The following GARIN1B variants were observed in gnomAD, a reference collection of about 807,000 sequenced individuals.
GARIN1B encodes the protein golgi associated RAB2 interactor 1B, also known as Golgi-associated RAB2 interactor protein 1B.
At chr7:128,731,199 GA>G in the GARIN1B span, 1 of 1,274,666 alleles carries the variant, frequency 7.8e-7, no homozygotes, top group Non-Finnish European at 1.1e-6. Context: ...TATCGGGATG[GA>G]GAGTAGGAGA....
chr7:128,712,059 CAAAA>C, the GARIN1B span, among the ~76,000 whole-genome samples: 1 of 151,698 alleles, frequency 6.6e-6, no homozygotes, highest in Admixed American at 6.6e-5. Context: ...AAAACAAAAA[CAAAA>C]AAAACCTTGC....
the GARIN1B span, chr7:128,724,873 A>C: frequency 7.8e-7 from 1 of 1,286,780 alleles, no homozygotes; most frequent in Non-Finnish European, 1.0e-6. Context: ...AAGCGCTTAT[A>C]GCAACGAAGA....
the GARIN1B span, among the ~76,000 whole-genome samples, chr7:128,717,452 T>A: frequency 6.6e-6 from 1 of 150,996 alleles, no homozygotes; most frequent in South Asian, 2.1e-4. Context: ...TTCTTTTTTT[T>A]TTTTTTTGAG....
the GARIN1B span, among the ~76,000 whole-genome samples, chr7:128,720,368 T>G: frequency 1.3e-5 from 2 of 151,960 alleles, no homozygotes; most frequent in Non-Finnish European, 2.9e-5. Context: ...TCAACTAATT[T>G]TTGTATTTTT....
At chr7:128,715,408 C>T in the GARIN1B span, 3 of 1,604,936 alleles carry the variant, frequency 1.9e-6, no homozygotes, top group South Asian at 3.3e-5. Context: ...GATCCCAGGA[C>T]AAATGTGCAG....
chr7:128,720,083 T>C, the GARIN1B span, among the ~76,000 whole-genome samples: 1 of 152,208 alleles, frequency 6.6e-6, no homozygotes, highest in Non-Finnish European at 1.5e-5. Context: ...CTTCATCTGA[T>C]AGATGATTTC....
At chr7:128,729,828 C>G in the GARIN1B span, 4,601 of 1,514,696 alleles carry the variant, frequency 3.0e-3, 112 homozygotes, top group East Asian at 0.063. Context: ...AAGCACCCCC[C>G]CAAATGTCAG....
At chr7:128,709,557 C>A in the GARIN1B span, among the ~76,000 whole-genome samples, 1 of 152,150 alleles carries the variant, frequency 6.6e-6, no homozygotes, top group African/African-American at 2.4e-5. Context: ...TCCATTGTTT[C>A]ATTGTCCTAT....
chr7:128,729,067 G>A, the GARIN1B span, among the ~76,000 whole-genome samples: 1 of 152,200 alleles, frequency 6.6e-6, no homozygotes, highest in African/African-American at 2.4e-5. Context: ...GGGTCGCAGG[G>A]TATCTGGCAT....
chr7:128,726,580 C>A, the GARIN1B span, among the ~76,000 whole-genome samples: 1 of 152,030 alleles, frequency 6.6e-6, no homozygotes, highest in African/African-American at 2.4e-5. Context: ...TCCTCCTCAG[C>A]AAAATCAGCA....
the GARIN1B span, chr7:128,723,047 TGGCCTCA>T: frequency 2.3e-6 from 2 of 863,992 alleles, no homozygotes; most frequent in Non-Finnish European, 3.4e-6. Context: ...CCAAAAAATA[TGGCCTCA>T]GAATTGCCTC....
chr7:128,714,363 G>A, the GARIN1B span, among the ~76,000 whole-genome samples: 21 of 151,960 alleles, frequency 1.4e-4, 1 homozygote, highest in East Asian at 1.9e-3. Flanking sequence ...GATCATCTGA[G>A]GTCAGGAGTT....
chr7:128,718,933 T>A, the GARIN1B span: 1 of 1,614,194 alleles, frequency 6.2e-7, no homozygotes, highest in Non-Finnish European at 8.5e-7. Flanking sequence ...TAAAGCTCCA[T>A]CCTGACCATC....
the GARIN1B span, chr7:128,724,937 C>T: frequency 2.6e-6 from 3 of 1,165,456 alleles, no homozygotes; most frequent in Non-Finnish European, 3.3e-6. Context: ...TTGAGCATAT[C>T]GAAACCTGGG....
At chr7:128,722,729 A>T in the GARIN1B span, among the ~76,000 whole-genome samples, 2 of 151,724 alleles carry the variant, frequency 1.3e-5, no homozygotes, top group Non-Finnish European at 2.9e-5. Context: ...GTCTGAACCC[A>T]GGAGGCAGAG....
At chr7:128,715,653 T>G in the GARIN1B span, 1 of 1,614,140 alleles carries the variant, frequency 6.2e-7, no homozygotes, top group South Asian at 1.1e-5. Flanking sequence ...TTCAACCTGT[T>G]TCTTGACTCC....
chr7:128,713,189 C>T, the GARIN1B span, among the ~76,000 whole-genome samples: 2,902 of 152,230 alleles, frequency 0.019, 44 homozygotes, highest in South Asian at 0.051. Context: ...CGTTTGTAAT[C>T]CCAGTTACTC....
At chr7:128,724,961 G>C in the GARIN1B span, 1 of 1,043,138 alleles carries the variant, frequency 9.6e-7, no homozygotes, top group Non-Finnish European at 1.2e-6. Flanking sequence ...TCAGTCTTCA[G>C]ATCTGTAAAA....
chr7:128,721,370 C>T, the GARIN1B span, among the ~76,000 whole-genome samples: 1 of 152,112 alleles, frequency 6.6e-6, no homozygotes, highest in Non-Finnish European at 1.5e-5. Flanking sequence ...GCTGTTGTGA[C>T]CAGAACTGTG....
Sources: allele counts gnomAD v4.1 joint callset (sites outside exome capture counted in the v4.1 genomes callset), GRCh38; gene constraint gnomAD v4.1.1; transcripts MANE v1.5; gene names NCBI Gene and HGNC (gene_info 2026-07-23, HGNC 2026-07-21).